Variants in ZIC5 observed in about 807,000 individuals in gnomAD.
ZIC5 encodes the protein zinc finger protein ZIC 5.
A neutral mutation model predicts 28.5 loss-of-function variants in ZIC5; 20 were observed. The ratio of observed to expected loss-of-function variants is 0.70; its 90% CI spans 0.49 to 1.02. ZIC5 has a LOEUF of 1.02. Ranked by LOEUF, ZIC5 falls within the 50% of genes least tolerant of loss-of-function variation. The pLI, the probability that ZIC5 is intolerant of heterozygous loss-of-function variation, is 0.00. For synonymous variants in ZIC5, 488 were observed against 410.4 expected, an observed-to-expected ratio of 1.19 and a Z score of -2.29; for missense variants, 951 against 899.7, an observed-to-expected ratio of 1.06 and a Z score of -0.73.
chr13:99,971,795 G>A, upstream of ZIC5: 22 of 1,346,132 alleles, frequency 1.6e-5, no homozygotes, highest in Non-Finnish European at 2.2e-5. Flanking sequence ...TGCACAGTGG[G>A]ACCGAGATTT....
chr13:99,965,659 C>T lies in ZIC5; in HGVS notation c.1638G>A (p.Lys546=), dbSNP rs748401173. ...KSYTHPSSLR[K]HMKIHCKSPP... is the part of the protein sequence containing the mutation. The stretch of plus-strand genomic sequence containing the variant: ...GGGACTTGCAGTGAATCTTCATGTG[C>T]TTCCTCAGGGAGCTTGGGTGAGTGT... Residue 546 remains lysine, a synonymous_variant, in exon 2 of 2, where the codon AAG becomes AAA. Coordinates refer to ENST00000267294, the MANE Select transcript of ZIC5 (RefSeq NM_033132.5). 3.1e-6 allele frequency: 5 copies of T among 1,614,196 alleles called. No homozygotes were observed. The highest frequency in any genetic ancestry group is 4.2e-6 in the Non-Finnish European group (5 of 1,180,038).
Position 99,971,172 on chromosome 13 carries a change from C to CGGGGGA in ZIC5, c.426_431dup (p.Pro148_Pro149dup), listed in dbSNP as rs767465990. On this transcript the variant is annotated inframe_insertion, in exon 1 of 2. Coordinates refer to ENST00000267294, the MANE Select transcript of ZIC5 (RefSeq NM_033132.5). ...CCGAGAGGGCAGGAGGAGGAGGAGG[C>CGGGGGA]GGGGGAGGGGGAGGGGGTGAAGGGG... The CGGGGGA allele has an allele frequency of 8.7e-5, 27 of 310,200 alleles. No individual in the cohort carries two copies. The highest frequency in any genetic ancestry group is 1.4e-3 in the Middle Eastern group (1 of 724). The allele number at this position is 310,200 out of a possible 1,614,324, so 19.2% of individuals were successfully genotyped here.
chr13:99,966,620 C>T (rs926707767), intron 1 of ZIC5, among the ~76,000 whole-genome samples: 2 of 152,174 alleles, frequency 1.3e-5, no homozygotes, highest in Admixed American at 6.5e-5. Context: ...TTAGCAGAAC[C>T]TACCTTTACT....
Position 99,971,402 on chromosome 13 carries a change from C to G in ZIC5, c.202G>C (p.Gly68Arg), listed in dbSNP as rs749520535. The G allele has an allele frequency of 2.5e-5, 38 of 1,520,054 alleles. 1 individual carries two copies. The South Asian group carries it at 4.7e-4, about 19-fold the overall frequency. 94.2% of individuals were successfully genotyped at this position (1,520,054 alleles called of 1,614,324 possible). A position where few individuals can be genotyped will look rare whatever the true frequency, so the allele number is the denominator to read the frequency against. ...CTCGCCTGGGCCATGTGCTCGGGTC[C>G]GAGCGGAGTGGTGGCCACGCCGGGG... ...ADPGVATTPL[G>R]PEHMAQASTL... Residue 68 changes from glycine (G) to arginine (R), a missense_variant, in exon 1 of 2, where the codon GGA (glycine) becomes CGA (arginine). By Grantham distance (125) the Gly-to-Arg change is moderately radical. Transcript: ENST00000267294.
chr13:99,970,995 G>A lies in ZIC5; in HGVS notation c.609C>T (p.Ser203=), dbSNP rs2053151885. 2.8e-6 allele frequency: 4 copies of A among 1,405,632 alleles called. No individual in the cohort carries two copies. Among genetic ancestry groups the A allele is most frequent in the Non-Finnish European group, 3.7e-6 (4 of 1,092,602 alleles). 87.1% of individuals were successfully genotyped at this position (1,405,632 alleles called of 1,614,324 possible). A position where few individuals can be genotyped will look rare whatever the true frequency, so the allele number is the denominator to read the frequency against. Residue 203 remains serine (S), a synonymous_variant, in exon 1 of 2, where the codon TCC becomes TCT. Coordinates refer to ENST00000267294, the MANE Select transcript of ZIC5 (RefSeq NM_033132.5). ...LGGEQRSGTG[S]PQHPAPPPHS... is the part of the protein sequence containing the mutation. ...GGGGAGGCGGGGCCGGGTGCTGGGG[G>A]GAGCCGGTGCCGGACCGCTGCTCCC...
At position 99,965,813 on chromosome 13, in the gene ZIC5, T is replaced by C; in HGVS notation, c.1484A>G (p.Lys495Arg). 1.2e-6 allele frequency: 2 copies of C among 1,610,576 alleles called. No homozygotes were observed. Among genetic ancestry groups the C allele is most frequent in the Non-Finnish European group, 1.7e-6 (2 of 1,177,624 alleles). Residue 495 changes from lysine to arginine, a missense_variant, in exon 2 of 2, where the codon AAG becomes AGG. Around this residue, in one of 3 missense-constraint regions of ZIC5, gnomAD observed 59 missense variants for 121.2 expected, o/e 0.49. Coordinates refer to ENST00000267294, the MANE Select transcript of ZIC5 (RefSeq NM_033132.5). ...KIHKRTHTGE[K>R]PFKCEFDGCD... ...GCCATCAAATTCACATTTGAAAGGC[T>C]TTTCCCCTGCAAGGAAACACAGGAA...
In ZIC5 at chr13:99,964,044, C is replaced by T. The variant is rs560329975; in HGVS notation, c.*1333G>A. 43 of 152,616 alleles carry T rather than the reference C, an allele frequency of 2.8e-4. No homozygotes were observed. The highest frequency in any genetic ancestry group is 4.9e-4 in the Non-Finnish European group (33 of 68,004). 9.5% of individuals were successfully genotyped at this position (152,616 alleles called of 1,614,324 possible). A position where few individuals can be genotyped will look rare whatever the true frequency, so the allele number is the denominator to read the frequency against. ...AGAGTTATTGTCCTAGGTCCTTGAC[C>T]TTTTTTATCCTAGCTTGACAGCTCT... On this transcript the variant is annotated 3_prime_UTR_variant, in exon 2 of 2. Coordinates refer to ENST00000267294, the MANE Select transcript of ZIC5 (RefSeq NM_033132.5).
At chr13:99,966,692 T>TA (rs986271321) in intron 1 of ZIC5, among the ~76,000 whole-genome samples, 14 of 152,270 alleles carry the variant, frequency 9.2e-5, no homozygotes, top group Non-Finnish European at 1.8e-4. Flanking sequence ...AAAAAGACCT[T>TA]AAAAAAATTT....
In ZIC5 at chr13:99,970,919, C is replaced by G. The variant is rs1259900835; in HGVS notation, c.685G>C (p.Gly229Arg). 8.8e-6 allele frequency: 12 copies of G among 1,366,102 alleles called. No individual in the cohort carries two copies. Among genetic ancestry groups the G allele is most frequent in the Non-Finnish European group, 1.0e-5 (11 of 1,070,620 alleles). The allele number at this position is 1,366,102 out of a possible 1,614,324, so 84.6% of individuals were successfully genotyped here. ...SASGTYAGPDGSGGPALFPAL... is the reference protein window; with the variant it reads ...SASGTYAGPDRSGGPALFPAL... ...GGGAAGAGCGCCGGGCCGCCGCTGCCGTCCGGGCCCGCGTAGGTGCCGCTG... is the reference window on the plus strand; with the variant it reads ...GGGAAGAGCGCCGGGCCGCCGCTGCGGTCCGGGCCCGCGTAGGTGCCGCTG... Residue 229 changes from glycine (G) to arginine (R), a missense_variant, in exon 1 of 2, where the codon GGC becomes CGC. Coordinates refer to ENST00000267294, the MANE Select transcript of ZIC5 (RefSeq NM_033132.5).
At position 99,963,384 on chromosome 13, in the gene ZIC5, T is replaced by C. The variant is rs1193077142; in HGVS notation, c.*1993A>G. 1 of 152,590 alleles carries C rather than the reference T, an allele frequency of 6.6e-6. No individual in the cohort carries two copies. Among genetic ancestry groups the C allele is most frequent in the African/African-American group, 2.4e-5 (1 of 41,458 alleles). The allele number at this position is 152,590 out of a possible 1,614,324, so 9.5% of individuals were successfully genotyped here. A position where few individuals can be genotyped will look rare whatever the true frequency, so the allele number is the denominator to read the frequency against. ...GAAAGTGAATAATATGAAAATCAAA[T>C]AAACTTTTAAAATGTAAAATTATCT... On this transcript the variant is annotated 3_prime_UTR_variant, in exon 2 of 2. Coordinates refer to ENST00000267294, the MANE Select transcript of ZIC5 (RefSeq NM_033132.5).
chr13:99,966,059 G>A (rs2053097631), intron 1 of ZIC5, among the ~76,000 whole-genome samples: 1 of 152,160 alleles, frequency 6.6e-6, no homozygotes, highest in Admixed American at 6.5e-5. Context: ...TGCAGTCCCA[G>A]AGGGATCAGG....
chr13:99,965,013 A>ATATATG lies in ZIC5; in HGVS notation c.*363_*364insCATATA, dbSNP rs1269225457. ...CCCCCTTTTAAAAAAAATAATATAT[A>ATATATG]TATATATGTATATATATATATATAT... is the stretch of plus-strand genomic sequence containing the variant. On this transcript the variant is annotated 3_prime_UTR_variant, in exon 2 of 2. Transcript: ENST00000267294. 2 of 121,274 alleles carry ATATATG rather than the reference A, an allele frequency of 1.6e-5. No individual in the cohort carries two copies. The highest frequency in any genetic ancestry group is 7.6e-5 in the African/African-American group (2 of 26,464). 7.5% of individuals were successfully genotyped at this position (121,274 alleles called of 1,614,324 possible).
rs2053144470 is a variant in ZIC5, at chr13:99,970,574, G to C, written c.1030C>G (p.Gln344Glu). The change falls in exon 1 of 2, where the codon CAG becomes GAG. Residue 344 changes from glutamine to glutamate, a missense_variant. Gln to Glu is a conservative substitution (Grantham distance 29). Around this residue, in one of 3 missense-constraint regions of ZIC5, gnomAD observed 784 missense variants for 660.1 expected, o/e 1.19. Coordinates refer to ENST00000267294, the MANE Select transcript of ZIC5 (RefSeq NM_033132.5). ...TGGGGGTGGTGCTGGTGCGGGTGCT[G>C]CGCGGGCGCCGGCGGCGGCGGCGGC... ...PAPPPPPAPA[Q>E]HPHQHHPHLP... is the part of the protein sequence containing the mutation. 2 of 1,015,336 alleles carry C rather than the reference G, an allele frequency of 2.0e-6. No individual in the cohort carries two copies. Among genetic ancestry groups the C allele is most frequent in the African/African-American group, 1.7e-5 (1 of 57,540 alleles). The allele number at this position is 1,015,336 out of a possible 1,614,324, so 62.9% of individuals were successfully genotyped here. A position where few individuals can be genotyped will look rare whatever the true frequency, so the allele number is the denominator to read the frequency against.
At chr13:99,966,186 C>T (rs578040489) in intron 1 of ZIC5, among the ~76,000 whole-genome samples, 35 of 152,182 alleles carry the variant, frequency 2.3e-4, no homozygotes, top group Admixed American at 1.2e-3. Context: ...CTCAAAAACA[C>T]AAGCAGGAGA....
chr13:99,969,133 C>G lies in ZIC5; in HGVS notation c.1477+994G>C, dbSNP rs999419104. Among the ~76,000 whole-genome samples, 16 of 152,364 alleles carry G rather than the reference C, an allele frequency of 1.1e-4. 3 individuals carry two copies. The highest frequency in any genetic ancestry group is 2.6e-4 in the Admixed American group (4 of 15,314). The stretch of plus-strand genomic sequence containing the variant: ...GTCCGCTCAAAGGGGGCACACGACC[C>G]ACAGGAGCCATCCACCGCCTCGCGC... On this transcript the variant is annotated intron_variant, in intron 1 of 1. Coordinates refer to ENST00000267294, the MANE Select transcript of ZIC5 (RefSeq NM_033132.5).
Position 99,970,711 on chromosome 13 carries a change from G to T in ZIC5, c.893C>A (p.Ala298Asp). ...HYGAVAAAAA[A>D]ALHGYGAVNL... Reference sequence around the variant, plus strand: ...CACGGCTCCGTAGCCGTGCAGGGCGGCCGCCGCTGCGGCCGCAACCGCCCC... The same window carrying T: ...CACGGCTCCGTAGCCGTGCAGGGCGTCCGCCGCTGCGGCCGCAACCGCCCC... Residue 298 changes from alanine to aspartate, a missense_variant, in exon 1 of 2, where the codon GCC becomes GAC. By Grantham distance (126) the Ala-to-Asp change is moderately radical (BLOSUM62 -2). Coordinates refer to ENST00000267294, the MANE Select transcript of ZIC5 (RefSeq NM_033132.5). 1 of 1,187,578 alleles carries T rather than the reference G, an allele frequency of 8.4e-7. No individual in the cohort carries two copies. Among genetic ancestry groups the T allele is most frequent in the Non-Finnish European group, 1.0e-6 (1 of 956,180 alleles). The allele number at this position is 1,187,578 out of a possible 1,614,324, so 73.6% of individuals were successfully genotyped here. A position where few individuals can be genotyped will look rare whatever the true frequency, so the allele number is the denominator to read the frequency against.
At chr13:99,965,937 C>G in intron 1 of ZIC5, 118 bp from the exon 2 acceptor site, 1 of 1,031,736 alleles carries the variant, frequency 9.7e-7, no homozygotes, top group South Asian at 1.7e-5. Flanking sequence ...AACTCCCAGC[C>G]TAATTCTTCT....
At chr13:99,969,960 A>AG (rs2152155822) in intron 1 of ZIC5, among the ~76,000 whole-genome samples, 167 bp downstream of exon 1, 1 of 151,376 alleles carries the variant, frequency 6.6e-6, no homozygotes, top group South Asian at 2.1e-4. Context: ...AGGGGGGGAG[A>AG]GAAAAAAAAA....
chr13:99,970,020 G>T, intron 1 of ZIC5, 107 bp downstream of exon 1: 1 of 1,540,246 alleles, frequency 6.5e-7, no homozygotes. Flanking sequence ...AGCAGAAGGA[G>T]AAAAAAATTA....
Sources: gnomAD v4.1 joint callset for allele counts (sites outside exome capture counted in the v4.1 genomes callset) on GRCh38, gnomAD v4.1.1 for gene constraint, gnomAD v4.1.1 regional missense constraint, MANE v1.5 for transcripts, NCBI Gene and HGNC (gene_info 2026-07-23, HGNC 2026-07-21) for gene names.